CARD8: variants seen among roughly 807,000 people sequenced by gnomAD.
CARD8 encodes the protein caspase recruitment domain family member 8.
A neutral mutation model predicts 53.2 loss-of-function variants in CARD8; 38 were observed. The ratio of observed to expected loss-of-function variants is 0.71; its 90% confidence interval spans 0.55 to 0.94. CARD8 has a LOEUF of 0.94. CARD8 is among the 40% of genes least tolerant of loss of function. The probability of loss-of-function intolerance (pLI) is 0.00; values close to 1 mark genes in which losing one functional copy is unlikely to be tolerated. For synonymous variants in CARD8, 245 were observed against 244.9 expected, an observed-to-expected ratio of 1.00 and a Z score of 0.00; for missense variants, 561 against 655.5, an observed-to-expected ratio of 0.86 and a Z score of 1.57.
At position 48,211,593 on chromosome 19, in the gene CARD8, T is replaced by C; in HGVS notation, c.*117A>G. The C allele has an allele frequency of 1.0e-6, 1 of 991,402 alleles. No individual in the cohort carries two copies. Among genetic ancestry groups the C allele is most frequent in the Admixed American group, 2.3e-5 (1 of 43,978 alleles). 61.4% of individuals were successfully genotyped at this position (991,402 alleles called of 1,614,324 possible). A position where few individuals can be genotyped will look rare whatever the true frequency, so the allele number is the denominator to read the frequency against. The stretch of plus-strand genomic sequence containing the variant: ...AAGTCTGTCCTGAAAGCCTGTGTGA[T>C]AGATGTTACCCAGTCTTCTTCTGTC... On this transcript the variant is annotated 3_prime_UTR_variant, in exon 14 of 14. Coordinates refer to ENST00000651546, the MANE Select transcript of CARD8 (RefSeq NM_001184900.3).
chr19:48,215,198 G>A (rs1175154766), intron 13 of CARD8, 142 bp downstream of exon 13: 4 of 611,886 alleles, frequency 6.5e-6, no homozygotes, highest in Non-Finnish European at 1.2e-5. Flanking sequence ...AAGGAGGCAA[G>A]AATTGAGGTT....
chr19:48,253,881 A>C (rs1329689342), intron 1 of CARD8, among the ~76,000 whole-genome samples: 1 of 152,242 alleles, frequency 6.6e-6, no homozygotes, highest in African/African-American at 2.4e-5. Context: ...ACAGAGTATC[A>C]GTAAAGATAT....
At chr19:48,243,830 G>A (rs182320984) in intron 3 of CARD8, among the ~76,000 whole-genome samples, 2 of 152,274 alleles carry the variant, frequency 1.3e-5, no homozygotes, top group African/African-American at 4.8e-5. Flanking sequence ...CAGTCTGGGC[G>A]ACAAAGCAAT....
intron 12 of CARD8, among the ~76,000 whole-genome samples, chr19:48,217,041 C>T (rs187341499): frequency 6.6e-6 from 1 of 152,160 alleles, no homozygotes; most frequent in East Asian, 1.9e-4. Flanking sequence ...AGCATGCACC[C>T]TAGATCCCTC....
intron 10 of CARD8, among the ~76,000 whole-genome samples, chr19:48,223,186 A>C (rs894469532): frequency 3.3e-5 from 5 of 151,346 alleles, no homozygotes; most frequent in Non-Finnish European, 7.4e-5. Flanking sequence ...TGCCTATAAT[A>C]CCAGCTACTC....
At chr19:48,247,899 C>T (rs1232788957) in intron 3 of CARD8, among the ~76,000 whole-genome samples, 3 of 151,576 alleles carry the variant, frequency 2.0e-5, no homozygotes, top group Non-Finnish European at 4.4e-5. Flanking sequence ...CACATTGTAT[C>T]ATATGTATTC....
At chr19:48,249,038 A>T (rs923833672) in intron 3 of CARD8, among the ~76,000 whole-genome samples, 1 of 152,144 alleles carries the variant, frequency 6.6e-6, no homozygotes, top group Non-Finnish European at 1.5e-5. Flanking sequence ...CTCTACTAAA[A>T]ATACAAAAAT....
At chr19:48,233,681 G>A (rs568780369) in intron 6 of CARD8, 111 of 227,860 alleles carry the variant, frequency 4.9e-4, no homozygotes, top group African/African-American at 2.0e-3. Flanking sequence ...TGCAGACAGC[G>A]CATCCCAGAT....
chr19:48,243,078 A>C (rs1055291883), intron 3 of CARD8, among the ~76,000 whole-genome samples: 2 of 152,142 alleles, frequency 1.3e-5, no homozygotes, highest in African/African-American at 4.8e-5. Flanking sequence ...ATTAATTTGT[A>C]ATTAGTCACC....
chr19:48,212,386 G>C (rs978288623), intron 13 of CARD8, among the ~76,000 whole-genome samples: 1 of 152,192 alleles, frequency 6.6e-6, no homozygotes, highest in African/African-American at 2.4e-5. Flanking sequence ...GATTCAGCTG[G>C]ATCCCCAAAG....
chr19:48,204,869 C>CA (rs1278424414), downstream of CARD8, among the ~76,000 whole-genome samples: 1 of 152,176 alleles, frequency 6.6e-6, no homozygotes, highest in Non-Finnish European at 1.5e-5. Context: ...TATGCAAAGG[C>CA]ATTTAGTGAT....
At position 48,230,709 on chromosome 19, in the gene CARD8, GA is replaced by G. The variant is rs753780239; in HGVS notation, c.773-10del. 5.6e-6 allele frequency: 9 copies of G among 1,613,272 alleles called. No homozygotes were observed. In the Admixed American group the frequency reaches 1.5e-4, roughly 27 times the overall value. Reference sequence around the variant, plus strand: ...GACGTCCACCTCACCTGCTGCAGGAGAACCACAACAGCAGTGAGACGGCACG... The same window carrying G: ...GACGTCCACCTCACCTGCTGCAGGAGACCACAACAGCAGTGAGACGGCACG... On this transcript the variant is annotated splice_polypyrimidine_tract_variant and intron_variant, in intron 9 of 13. Coordinates refer to ENST00000651546, the MANE Select transcript of CARD8 (RefSeq NM_001184900.3).
intron 12 of CARD8, among the ~76,000 whole-genome samples, chr19:48,218,199 A>T (rs1031872389): frequency 3.3e-5 from 5 of 151,156 alleles, no homozygotes; most frequent in African/African-American, 7.3e-5. Flanking sequence ...TATTTTATTC[A>T]AACTATTTTT....
intron 3 of CARD8, among the ~76,000 whole-genome samples, chr19:48,249,112 G>A (rs146821335): frequency 5.2e-4 from 79 of 151,746 alleles, no homozygotes; most frequent in African/African-American, 1.2e-3. Context: ...CAGAAGAATC[G>A]CTTGAACCCG....
At chr19:48,232,122 TAGC>T in intron 7 of CARD8, 3 of 546,430 alleles carry the variant, frequency 5.5e-6, no homozygotes. Flanking sequence ...TGGTCCGAAA[TAGC>T]AGAAGACACT....
At chr19:48,233,555 A>T (rs780614202) in intron 6 of CARD8, 9 of 363,666 alleles carry the variant, frequency 2.5e-5, no homozygotes, top group Non-Finnish European at 4.9e-5. Flanking sequence ...GGGTAGCTAC[A>T]GGCAAAGCAG....
intron 10 of CARD8, among the ~76,000 whole-genome samples, chr19:48,229,546 G>C (rs2042441462): frequency 6.6e-6 from 1 of 152,196 alleles, no homozygotes; most frequent in Admixed American, 6.5e-5. Context: ...TCATTCTTGG[G>C]ATGTTGGAGC....
intron 3 of CARD8, among the ~76,000 whole-genome samples, chr19:48,246,192 T>C (rs1017574138): frequency 2.0e-5 from 3 of 152,218 alleles, no homozygotes; most frequent in Non-Finnish European, 4.4e-5. Context: ...GTTTATCAAT[T>C]TGGATTTCTT....
rs61047810 is a variant in CARD8 at position 48,208,983 on chromosome 19, CAAAAAAAAA to C, written c.*2718_*2726del. 4.2e-5 allele frequency: 2 copies of C among 48,112 alleles called. No homozygotes were observed. The highest frequency in any genetic ancestry group is 7.2e-5 in the Non-Finnish European group (2 of 27,672). The allele number at this position is 48,112 out of a possible 1,614,324, so 3.0% of individuals were successfully genotyped here. ...TAGATGACAGAGCGAGACTCCATCTCAAAAAAAAAAAAAAAAAAAAAAAAATACTCAAAT... is the reference window on the plus strand; with the variant it reads ...TAGATGACAGAGCGAGACTCCATCTCAAAAAAAAAAAAAAAATACTCAAAT... On this transcript the variant is annotated 3_prime_UTR_variant, in exon 14 of 14. Transcript: ENST00000651546.
Sources: allele counts gnomAD v4.1 joint callset (sites outside exome capture counted in the v4.1 genomes callset), GRCh38; gene constraint gnomAD v4.1.1; transcripts MANE v1.5; gene names NCBI Gene and HGNC (gene_info 2026-07-23, HGNC 2026-07-21).